The following SKIC3 variants were observed in gnomAD, a reference collection of about 807,000 sequenced individuals.
SKIC3 encodes superkiller complex protein 3.
chr5:95,529,124 CA>C, the SKIC3 span: 1 of 1,609,364 alleles, frequency 6.2e-7, no homozygotes. Context: ...AAAACAATCA[CA>C]AAAAACAAGG....
At chr5:95,494,716 T>C in the SKIC3 span, 2 of 1,613,608 alleles carry the variant, frequency 1.2e-6, no homozygotes, top group African/African-American at 1.3e-5. Context: ...GAATGGTCTT[T>C]AGTGCAGTAT....
At chr5:95,518,689 T>C in the SKIC3 span, among the ~76,000 whole-genome samples, 2 of 152,074 alleles carry the variant, frequency 1.3e-5, no homozygotes, top group South Asian at 2.1e-4. Flanking sequence ...AAATACCACA[T>C]TTTCTTTATC....
At chr5:95,535,880 T>C in the SKIC3 span, among the ~76,000 whole-genome samples, 1 of 152,168 alleles carries the variant, frequency 6.6e-6, no homozygotes, top group Admixed American at 6.5e-5. Flanking sequence ...TCCACAATAA[T>C]TGACAATCAC....
the SKIC3 span, among the ~76,000 whole-genome samples, chr5:95,505,314 G>C: frequency 1.3e-5 from 2 of 152,292 alleles, no homozygotes; most frequent in South Asian, 4.1e-4. Flanking sequence ...TTCTAAAGGT[G>C]AAAGGAATTA....
chr5:95,538,511 A>C, the SKIC3 span, among the ~76,000 whole-genome samples: 270 of 152,274 alleles, frequency 1.8e-3, no homozygotes, highest in Middle Eastern at 3.4e-3. Context: ...GAACACAAAG[A>C]AATGAACTTC....
At chr5:95,547,693 A>G in the SKIC3 span, among the ~76,000 whole-genome samples, 1 of 152,124 alleles carries the variant, frequency 6.6e-6, no homozygotes, top group South Asian at 2.1e-4. Flanking sequence ...CTTGTTGATC[A>G]GGACTCAAAA....
the SKIC3 span, among the ~76,000 whole-genome samples, chr5:95,470,213 C>T: frequency 5.1e-4 from 77 of 152,128 alleles, no homozygotes; most frequent in African/African-American, 1.8e-3. Flanking sequence ...CTCCTGACCT[C>T]GTGATCCGCC....
the SKIC3 span, among the ~76,000 whole-genome samples, chr5:95,542,495 CAAAAA>C: frequency 6.7e-6 from 1 of 149,768 alleles, no homozygotes; most frequent in Non-Finnish European, 1.5e-5. Flanking sequence ...TATGATCAAA[CAAAAA>C]AAAATCAAGT....
At chr5:95,509,822 AT>A in the SKIC3 span, 1 of 665,360 alleles carries the variant, frequency 1.5e-6, no homozygotes, top group Admixed American at 2.3e-5. Flanking sequence ...TAGTGGCCTG[AT>A]TTTATCTTGA....
chr5:95,478,432 T>C, the SKIC3 span: 52 of 1,613,738 alleles, frequency 3.2e-5, no homozygotes, highest in Non-Finnish European at 3.8e-5. Context: ...TTGATACACA[T>C]GTGCCAGCCA....
chr5:95,498,177 A>T, the SKIC3 span, among the ~76,000 whole-genome samples: 2 of 152,192 alleles, frequency 1.3e-5, no homozygotes, highest in Non-Finnish European at 2.9e-5. Flanking sequence ...CAATTGAATT[A>T]AAAAAACACA....
the SKIC3 span, among the ~76,000 whole-genome samples, chr5:95,549,679 T>A: frequency 6.6e-6 from 1 of 151,716 alleles, no homozygotes; most frequent in East Asian, 1.9e-4. Flanking sequence ...GTTTCAGAAG[T>A]TTAATTTGTA....
chr5:95,529,075 C>A, the SKIC3 span: 2 of 1,613,758 alleles, frequency 1.2e-6, no homozygotes, highest in South Asian at 1.1e-5. Context: ...ATACCATCCA[C>A]TTGTGCAGAC....
At chr5:95,528,974 T>G in the SKIC3 span, 11 of 1,601,008 alleles carry the variant, frequency 6.9e-6, no homozygotes, top group Non-Finnish European at 9.4e-6. Flanking sequence ...CACCCTTATA[T>G]GTCAACCCAA....
At chr5:95,482,044 T>C in the SKIC3 span, among the ~76,000 whole-genome samples, 2 of 152,300 alleles carry the variant, frequency 1.3e-5, no homozygotes, top group South Asian at 4.1e-4. Flanking sequence ...AGATGATCTG[T>C]TGATTCAAGC....
At chr5:95,537,941 T>C in the SKIC3 span, among the ~76,000 whole-genome samples, 1 of 152,122 alleles carries the variant, frequency 6.6e-6, no homozygotes, top group Non-Finnish European at 1.5e-5. Context: ...GTTAACAATC[T>C]TACAAAGAAG....
At chr5:95,488,564 G>A in the SKIC3 span, among the ~76,000 whole-genome samples, 1 of 152,122 alleles carries the variant, frequency 6.6e-6, no homozygotes, top group African/African-American at 2.4e-5. Flanking sequence ...TGTCAGCCAA[G>A]GACACTATAC....
chr5:95,468,507 C>T, the SKIC3 span, among the ~76,000 whole-genome samples: 1 of 152,200 alleles, frequency 6.6e-6, no homozygotes, highest in South Asian at 2.1e-4. Context: ...ATAATGTAAA[C>T]CCATGTAATA....
At chr5:95,541,709 G>C in the SKIC3 span, 1 of 690,762 alleles carries the variant, frequency 1.4e-6, no homozygotes, top group African/African-American at 1.9e-5. Context: ...AAAAAAAAAA[G>C]CTTCGCAATT....
Sources: allele counts gnomAD v4.1 joint callset (sites outside exome capture counted in the v4.1 genomes callset), GRCh38; gene constraint gnomAD v4.1.1; transcripts MANE v1.5; gene names NCBI Gene and HGNC (gene_info 2026-07-23, HGNC 2026-07-21).